The following DIO2 variants were observed in gnomAD, a reference collection of about 807,000 sequenced individuals.
DIO2 encodes the protein iodothyronine deiodinase 2.
DIO2 carries 19 observed loss-of-function variants against 21.4 expected under a neutral mutation model. The ratio of observed to expected loss-of-function variants is 0.89; its 90% CI spans 0.62 to 1.30. The LOEUF (loss-of-function observed/expected upper bound fraction) is 1.30. Among genes scored for constraint, DIO2 ranks in the 50% most tolerant of loss-of-function variants. The pLI is 0.00. For missense variants in DIO2, 302 were observed against 338.1 expected (o/e 0.89, Z 0.84); for synonymous variants, 122 against 132.9 (o/e 0.92, Z 0.57).
intron 1 of DIO2, among the ~76,000 whole-genome samples, chr14:80,204,816 C>T (rs1301453601): frequency 6.6e-6 from 1 of 152,108 alleles, no homozygotes; most frequent in East Asian, 1.9e-4. Context: ...TAATGCATAA[C>T]TCATTTTAAC....
Position 80,220,040 on chromosome 14 carries a change from T to TTGTG in DIO2, c.-277-3307_-277-3304dup, listed in dbSNP as rs10553303. On this transcript the variant is annotated intron_variant, in intron 2 of 4. Transcript: ENST00000553594. ...GAAAGAAGTTTGTTACAATCTTGTT[T>TTGTG]TGTGTGTGTGTGTGTGTGTGTGTGT... 4.5e-3 allele frequency among the ~76,000 whole-genome samples: 679 copies of TTGTG among 150,098 alleles called. 1 individual carries two copies. The highest frequency in any genetic ancestry group is 5.4e-3 in the Non-Finnish European group (365 of 67,456).
intron 2 of DIO2, chr14:80,231,020 G>A (rs2140027581): frequency 6.6e-6 from 1 of 152,318 alleles, no homozygotes; most frequent in South Asian, 2.1e-4. Flanking sequence ...ATCCAGCACT[G>A]AAGAAAGATG....
chr14:80,209,921 C>T (rs902746687), intron 1 of DIO2, among the ~76,000 whole-genome samples: 1 of 152,108 alleles, frequency 6.6e-6, no homozygotes, highest in Non-Finnish European at 1.5e-5. Context: ...TACTTCTTCT[C>T]TTTTCTTGGC....
intron 1 of DIO2, 103 bp downstream of exon 1, chr14:80,211,148 G>A (rs998502420): frequency 2.7e-6 from 3 of 1,115,766 alleles, no homozygotes; most frequent in East Asian, 5.1e-5. Flanking sequence ...CACAAATAGG[G>A]CTTCACAGCT....
chr14:80,218,447 G>A (rs759156922), intron 2 of DIO2, among the ~76,000 whole-genome samples: 8 of 152,094 alleles, frequency 5.3e-5, no homozygotes, highest in Middle Eastern at 3.4e-3. Flanking sequence ...AACCTGATGC[G>A]GAGCCCTCGA....
At chr14:80,222,874 T>C (rs1888493749) in intron 2 of DIO2, among the ~76,000 whole-genome samples, 1 of 151,772 alleles carries the variant, frequency 6.6e-6, no homozygotes, top group Admixed American at 6.6e-5. Context: ...TTTTTTTTTT[T>C]TGAGACAGGG....
chr14:80,226,761 G>A (rs1328734193), intron 2 of DIO2, among the ~76,000 whole-genome samples: 1 of 152,182 alleles, frequency 6.6e-6, no homozygotes, highest in Non-Finnish European at 1.5e-5. Context: ...GGGTGGCCGG[G>A]GAAAGAGGCT....
chr14:80,221,549 G>T (rs1888465649), intron 2 of DIO2, among the ~76,000 whole-genome samples: 1 of 152,068 alleles, frequency 6.6e-6, no homozygotes, highest in Non-Finnish European at 1.5e-5. Flanking sequence ...TCTAAATTAT[G>T]AGGTGGTCTC....
In DIO2 at chr14:80,200,588, G is replaced by A. The variant is rs1036548977; in HGVS notation, c.*2101C>T. 2.2e-4 allele frequency: 34 copies of A among 152,236 alleles called. No individual in the cohort carries two copies. Among genetic ancestry groups the A allele is most frequent in the African/African-American group, 8.2e-4 (34 of 41,546 alleles). The allele number at this position is 152,236 out of a possible 1,614,324, so 9.4% of individuals were successfully genotyped here. A position where few individuals can be genotyped will look rare whatever the true frequency, so the allele number is the denominator to read the frequency against. On this transcript the variant is annotated 3_prime_UTR_variant, in exon 2 of 2. Transcript: ENST00000438257. ...CATTTTGAGGTTAAAAATCAATGGG[G>A]GCAGAGATAAGCCTTGAATGTAGAA...
upstream of DIO2, among the ~76,000 whole-genome samples, chr14:80,214,509 G>T (rs1888303976): frequency 6.6e-6 from 1 of 151,924 alleles, no homozygotes; most frequent in South Asian, 2.1e-4. Context: ...GTGTTTGAAG[G>T]GAATTTTTTT....
chr14:80,200,036 C>T lies in DIO2; in HGVS notation c.*2653G>A, dbSNP rs770024108. 7 of 152,454 alleles carry T rather than the reference C, an allele frequency of 4.6e-5. No individual in the cohort carries two copies. The highest frequency in any genetic ancestry group is 1.0e-4 in the Non-Finnish European group (7 of 67,992). 9.4% of individuals were successfully genotyped at this position (152,454 alleles called of 1,614,324 possible). On this transcript the variant is annotated 3_prime_UTR_variant, in exon 2 of 2. Transcript: ENST00000438257. ...TTCCTCTACCTCAAAATAATGAGTT[C>T]TTGTTAATTTCATAAAAGAATACAT...
chr14:80,202,427 T>G lies in DIO2; in HGVS notation c.*262A>C. 1.4e-6 allele frequency: 1 copy of G among 698,368 alleles called. No homozygotes were observed. The highest frequency in any genetic ancestry group is 1.4e-5 in the South Asian group (1 of 72,990). The allele number at this position is 698,368 out of a possible 1,614,324, so 43.3% of individuals were successfully genotyped here. On this transcript the variant is annotated 3_prime_UTR_variant, in exon 2 of 2. Transcript: ENST00000438257. ...CAATGCAGAATGAACACATGCTGAA[T>G]TAGCGTTTCTTCCTCTCCATCTTGG...
At chr14:80,226,299 C>T (rs569087094) in intron 2 of DIO2, among the ~76,000 whole-genome samples, 12 of 152,256 alleles carry the variant, frequency 7.9e-5, no homozygotes, top group Non-Finnish European at 1.5e-4. Context: ...ATGGTAAGAC[C>T]AGTGAATTCC....
chr14:80,211,427 G>A lies in DIO2; in HGVS notation c.46C>T (p.Pro16Ser). ...VDLLITLQIL[P>S]VFFSNCLFLA... ...AAGAGGCAGTTGGAGAAAAAAACTG[G>A]CAGAATTTGCAGTGTGATCAGCAAG... The change falls in exon 1 of 2, where the codon CCA becomes TCA. Residue 16 changes from proline to serine, a missense_variant. Coordinates refer to ENST00000438257, the MANE Select transcript of DIO2 (RefSeq NM_013989.5). The A allele has an allele frequency of 3.1e-6, 5 of 1,612,710 alleles. No homozygotes were observed. The highest frequency in any genetic ancestry group is 4.2e-6 in the Non-Finnish European group (5 of 1,179,512).
At chr14:80,224,400 T>C (rs1310477156) in intron 2 of DIO2, among the ~76,000 whole-genome samples, 3 of 152,092 alleles carry the variant, frequency 2.0e-5, no homozygotes, top group Admixed American at 6.6e-5. Flanking sequence ...GATGTGATTA[T>C]GTTAAGGATC....
rs1317871796 is a variant in DIO2, at chr14:80,199,605, A to T, written c.*3084T>A. ...GAAAATCATTGTTGATCCCACTAGTATTTTCACTAAGCAATAAATAAAGTC... is the reference window on the plus strand; with the variant it reads ...GAAAATCATTGTTGATCCCACTAGTTTTTTCACTAAGCAATAAATAAAGTC... On this transcript the variant is annotated 3_prime_UTR_variant, in exon 2 of 2. Transcript: ENST00000438257. The T allele has an allele frequency of 6.6e-6, 1 of 152,548 alleles. No individual in the cohort carries two copies. The highest frequency in any genetic ancestry group is 2.4e-5 in the African/African-American group (1 of 41,456). The allele number at this position is 152,548 out of a possible 1,614,324, so 9.4% of individuals were successfully genotyped here.
intron 1 of DIO2, 150 bp downstream of exon 1, chr14:80,211,101 G>A (rs1014214013): frequency 3.2e-5 from 21 of 661,610 alleles, no homozygotes; most frequent in Non-Finnish European, 4.6e-5. Flanking sequence ...TGTGCAACAG[G>A]TGTGGAAAGT....
intron 1 of DIO2, chr14:80,205,770 G>A (rs773864193): frequency 3.2e-5 from 40 of 1,237,948 alleles, no homozygotes; most frequent in Non-Finnish European, 3.8e-5. Context: ...TACCAAATTC[G>A]TAATGCTCTT....
rs1031825763 is a variant in DIO2, at chr14:80,198,464, C to A, written c.*4225G>T. The A allele has an allele frequency of 6.6e-6, 1 of 152,626 alleles. No homozygotes were observed. The highest frequency in any genetic ancestry group is 1.5e-5 in the Non-Finnish European group (1 of 68,060). 9.5% of individuals were successfully genotyped at this position (152,626 alleles called of 1,614,324 possible). On this transcript the variant is annotated 3_prime_UTR_variant, in exon 2 of 2. Transcript: ENST00000438257. ...AAAGTCACTCAATGACTTGCAGCAG[C>A]CTTCAGCCTTCCTTCAGTTGCGAGA...
Sources: allele counts gnomAD v4.1 joint callset (sites outside exome capture counted in the v4.1 genomes callset), GRCh38; gene constraint gnomAD v4.1.1; transcripts MANE v1.5; gene names NCBI Gene and HGNC (gene_info 2026-07-23, HGNC 2026-07-21).